The following NALCN variants were observed in gnomAD, a reference collection of about 807,000 sequenced individuals.
NALCN encodes sodium leak channel NALCN.
Under a neutral mutation model 225.3 loss-of-function variants are expected in NALCN, and 111 were observed. The ratio of observed to expected loss-of-function variants is 0.49; its 90% CI spans 0.42 to 0.58. NALCN has a LOEUF of 0.58. Ranked by LOEUF, NALCN falls within the 20% of genes least tolerant of loss-of-function variation. The probability of loss-of-function intolerance (pLI) is 0.00; values close to 1 mark genes in which losing one functional copy is unlikely to be tolerated. For missense variants in NALCN, 1,378 were observed against 2,202.4 expected (o/e 0.63, Z 7.49); for synonymous variants, 764 against 769.0 (o/e 0.99, Z 0.11).
intron 15 of NALCN, among the ~76,000 whole-genome samples, chr13:101,156,275 T>G (rs2037898219): frequency 6.6e-6 from 1 of 152,154 alleles, no homozygotes. Context: ...TCTCTTTAAT[T>G]CAGCTCTAAA....
rs927683978 is a variant in NALCN at position 101,148,550 on chromosome 13, C to T, written c.1840-3654G>A. Among the ~76,000 whole-genome samples the T allele has an allele frequency of 2.6e-5, 4 of 152,178 alleles. 1 individual carries two copies. Among genetic ancestry groups the T allele is most frequent in the South Asian group, 4.2e-4 (2 of 4,818 alleles). ...AAAATTTTGGGGGAATGCCTTAAAC[C>T]CCCTACTCGTACTGTCGTTTGACAC... On this transcript the variant is annotated intron_variant, in intron 15 of 43. Transcript: ENST00000251127.
chr13:101,074,215 T>C (rs1330313220), intron 36 of NALCN, among the ~76,000 whole-genome samples: 2 of 152,204 alleles, frequency 1.3e-5, no homozygotes, highest in East Asian at 1.9e-4. Context: ...AATATGTAGA[T>C]AGAAAAAGTG....
chr13:101,221,268 G>A (rs528441756), intron 13 of NALCN, among the ~76,000 whole-genome samples: 6 of 151,882 alleles, frequency 4.0e-5, no homozygotes, highest in East Asian at 3.9e-4. Context: ...ACAGGCACAC[G>A]CCACCACACC....
chr13:101,377,272 A>G (rs1462151820), intron 4 of NALCN, among the ~76,000 whole-genome samples: 1 of 152,190 alleles, frequency 6.6e-6, no homozygotes, highest in African/African-American at 2.4e-5. Flanking sequence ...AACAACATTA[A>G]TCTTATTCAT....
intron 14 of NALCN, among the ~76,000 whole-genome samples, chr13:101,188,997 T>C (rs1254282772): frequency 6.6e-6 from 1 of 152,150 alleles, no homozygotes; most frequent in Non-Finnish European, 1.5e-5. Context: ...ATAAATACTA[T>C]ATTTTTAATG....
At chr13:101,354,901 G>C (rs1287047264) in intron 6 of NALCN, among the ~76,000 whole-genome samples, 1 of 152,110 alleles carries the variant, frequency 6.6e-6, no homozygotes, top group Non-Finnish European at 1.5e-5. Flanking sequence ...AAATCTCATC[G>C]AAGTATACTC....
chr13:101,065,634 A>G, intron 39 of NALCN, 73 bp from the exon 40 acceptor site: 1 of 1,544,512 alleles, frequency 6.5e-7, no homozygotes, highest in Non-Finnish European at 8.7e-7. Context: ...AAAAGAAAAA[A>G]AAAAAGGTGC....
chr13:101,065,256 G>T, intron 40 of NALCN, 148 bp downstream of exon 40: 1 of 808,964 alleles, frequency 1.2e-6, no homozygotes, highest in Non-Finnish European at 2.0e-6. Context: ...GGCACTTAGC[G>T]CCTGGGACAT....
intron 13 of NALCN, among the ~76,000 whole-genome samples, chr13:101,220,936 C>T (rs1208213038): frequency 1.3e-5 from 2 of 151,920 alleles, no homozygotes; most frequent in African/African-American, 4.8e-5. Flanking sequence ...AAAAAAAACA[C>T]ATTTCGGCTT....
intron 42 of NALCN, chr13:101,058,807 T>C (rs2031580884): frequency 6.6e-6 from 1 of 152,412 alleles, no homozygotes; most frequent in South Asian, 2.1e-4. Context: ...ATGCGAGACA[T>C]TGCCAACCAT....
At chr13:101,298,061 T>C (rs1159855999) in intron 7 of NALCN, among the ~76,000 whole-genome samples, 4 of 152,200 alleles carry the variant, frequency 2.6e-5, no homozygotes, top group Admixed American at 1.3e-4. Context: ...TGTGTCTCAA[T>C]GAACTGTCTA....
rs2032322794 is a variant in NALCN at position 101,065,673 on chromosome 13, C to G, written c.4447-112G>C. ...TTCTCAAAAGCTAGCATAATTAGCACCAGATGTGAAGAAAGCTGGTCACCT... is the reference window on the plus strand; with the variant it reads ...TTCTCAAAAGCTAGCATAATTAGCAGCAGATGTGAAGAAAGCTGGTCACCT... On this transcript the variant is annotated intron_variant, in intron 39 of 43. Transcript: ENST00000251127. 4 of 1,343,020 alleles carry G rather than the reference C, an allele frequency of 3.0e-6. No homozygotes were observed. The South Asian group carries it at 4.4e-5, about 15-fold the overall frequency. 83.2% of individuals were successfully genotyped at this position (1,343,020 alleles called of 1,614,324 possible). A position where few individuals can be genotyped will look rare whatever the true frequency, so the allele number is the denominator to read the frequency against.
intron 10 of NALCN, among the ~76,000 whole-genome samples, chr13:101,260,066 A>G (rs1196742531): frequency 2.6e-5 from 4 of 151,044 alleles, no homozygotes; most frequent in Non-Finnish European, 4.4e-5. Context: ...TCTACTCTCT[A>G]TGTCCATGAG....
At chr13:101,064,663 G>A (rs983165316) in intron 40 of NALCN, among the ~76,000 whole-genome samples, 13 of 152,088 alleles carry the variant, frequency 8.5e-5, no homozygotes, top group East Asian at 3.9e-4. Flanking sequence ...CATTGGCAGC[G>A]CACCTCCAGC....
chr13:101,059,774 A>G, intron 42 of NALCN, 44 bp downstream of exon 42: 2 of 1,567,130 alleles, frequency 1.3e-6, no homozygotes, highest in East Asian at 2.3e-5. Context: ...AAAAGAAAGA[A>G]GCCCACAGAG....
Position 101,104,422 on chromosome 13 carries a change from G to A in NALCN, c.2762C>T (p.Ala921Val). ...RVMHAPTLQI[A>V]EYVFVIFMSI... Reference sequence around the variant, plus strand: ...CATGAATATCACAAACACATACTCAGCAATCTGAAACGGGCAAAAGGCAGT... The same window carrying A: ...CATGAATATCACAAACACATACTCAACAATCTGAAACGGGCAAAAGGCAGT... The change falls in exon 25 of 44, where the codon GCT becomes GTT. Residue 921 changes from alanine (A) to valine (V), a missense_variant. Coordinates refer to ENST00000251127, the MANE Select transcript of NALCN (RefSeq NM_052867.4). This position sits in a 1 kb window ranked among gnomAD's most constrained non-coding sequence, Gnocchi z 4.2. The A allele has an allele frequency of 6.2e-7, 1 of 1,613,076 alleles. No homozygotes were observed. The highest frequency in any genetic ancestry group is 8.5e-7 in the Non-Finnish European group (1 of 1,179,412).
chr13:101,272,132 G>A (rs2042809993), intron 10 of NALCN, among the ~76,000 whole-genome samples: 1 of 151,844 alleles, frequency 6.6e-6, no homozygotes, highest in African/African-American at 2.4e-5. Context: ...TGTGTTTGAG[G>A]TGTGTGTGCG....
At chr13:101,374,692 A>G (rs191558913) in intron 6 of NALCN, among the ~76,000 whole-genome samples, 293 of 152,004 alleles carry the variant, frequency 1.9e-3, no homozygotes, top group Middle Eastern at 0.01. Context: ...TTAACATTTA[A>G]CCAGTGAAAT....
chr13:101,079,171 C>CCAATGTTA lies in NALCN; in HGVS notation c.3885+2355_3885+2356insTAACATTG, dbSNP rs1820598410. Among the ~76,000 whole-genome samples the CCAATGTTA allele has an allele frequency of 2.0e-5, 3 of 152,302 alleles. No homozygotes were observed. The South Asian group carries it at 6.2e-4, about 32-fold the overall frequency. Reference sequence around the variant, plus strand: ...CCCAGTTTTGGGTATTTCTTCATAACAGTGTGAGAAGGGACTAATACAAAT... The same window carrying CCAATGTTA: ...CCCAGTTTTGGGTATTTCTTCATAACCAATGTTAAGTGTGAGAAGGGACTAATACAAAT... On this transcript the variant is annotated intron_variant, in intron 34 of 43. Transcript: ENST00000251127.
Sources: gnomAD v4.1 joint callset for allele counts (sites outside exome capture counted in the v4.1 genomes callset) on GRCh38, gnomAD v4.1.1 for gene constraint, Gnocchi (gnomAD v3.1) non-coding constraint, MANE v1.5 for transcripts, NCBI Gene and HGNC (gene_info 2026-07-23, HGNC 2026-07-21) for gene names.